The following TTC39C variants were observed in gnomAD, a reference collection of about 807,000 sequenced individuals.
TTC39C encodes the protein tetratricopeptide repeat domain 39C, also known as tetratricopeptide repeat protein 39C.
TTC39C carries 33 observed loss-of-function variants against 76.3 expected under a neutral mutation model. That is an observed-to-expected ratio of 0.43 (90% CI 0.33 to 0.58). TTC39C has a LOEUF of 0.58. TTC39C is among the 20% of genes least tolerant of loss of function. The pLI, the probability that TTC39C is intolerant of heterozygous loss-of-function variation, is 0.04. For synonymous variants in TTC39C, 254 were observed against 260.6 expected, an observed-to-expected ratio of 0.97 and a Z score of 0.24; for missense variants, 595 against 701.4, an observed-to-expected ratio of 0.85 and a Z score of 1.71.
At chr18:24,113,300 A>T in intron 6 of TTC39C, 1 of 451,536 alleles carries the variant, frequency 2.2e-6, no homozygotes. Flanking sequence ...TGTCCTGAAG[A>T]TCACCTGCTG....
At chr18:24,017,597 T>TA (rs1164074032) in intron 1 of TTC39C, among the ~76,000 whole-genome samples, 1 of 152,252 alleles carries the variant, frequency 6.6e-6, no homozygotes, top group African/African-American at 2.4e-5. Flanking sequence ...AAGTTCATCT[T>TA]ACGTATTACG....
chr18:24,088,671 G>A (rs1267184386), intron 6 of TTC39C, among the ~76,000 whole-genome samples: 1 of 152,202 alleles, frequency 6.6e-6, no homozygotes, highest in Admixed American at 6.5e-5. Flanking sequence ...CGTTCCTGCT[G>A]AGAAAGGGAC....
chr18:24,099,744 T>C (rs903163647), intron 6 of TTC39C, among the ~76,000 whole-genome samples: 4 of 152,084 alleles, frequency 2.6e-5, no homozygotes, highest in African/African-American at 9.7e-5. Flanking sequence ...GGAGTTCTTA[T>C]GTAACTTACT....
At chr18:24,130,243 T>G in intron 11 of TTC39C, 70 bp from the exon 12 acceptor site, 24 of 730,872 alleles carry the variant, frequency 3.3e-5, no homozygotes, top group East Asian at 1.2e-4. Context: ...CGCCCCCTCT[T>G]GAAGATTATA....
chr18:24,032,019 A>G (rs2083677678), intron 1 of TTC39C, among the ~76,000 whole-genome samples: 1 of 152,214 alleles, frequency 6.6e-6, no homozygotes, highest in Non-Finnish European at 1.5e-5. Flanking sequence ...AAACATCAAG[A>G]GACAAGATTT....
intron 1 of TTC39C, among the ~76,000 whole-genome samples, chr18:24,050,298 A>G (rs2083931875): frequency 6.6e-6 from 1 of 152,202 alleles, no homozygotes; most frequent in Non-Finnish European, 1.5e-5. Flanking sequence ...GGCCTGGTGC[A>G]GTGGCTCATG....
rs1480147977 is a variant in TTC39C, at chr18:24,051,398, C to A, written c.168-12742C>A. On this transcript the variant is annotated intron_variant, in intron 1 of 13. Coordinates refer to ENST00000317571, the MANE Select transcript of TTC39C (RefSeq NM_001135993.2). ...GTAAATGCAAACATCGCTGTACACA[C>A]AGGGGCCATGCTGTCTGGGGACAGG... Among the ~76,000 whole-genome samples, 4 of 152,206 alleles carry A rather than the reference C, an allele frequency of 2.6e-5. 1 individual carries two copies. The East Asian group carries it at 7.7e-4, about 29-fold the overall frequency.
At chr18:24,034,630 A>T (rs890772916) in intron 1 of TTC39C, among the ~76,000 whole-genome samples, 1 of 90,018 alleles carries the variant, frequency 1.1e-5, no homozygotes, top group Non-Finnish European at 2.8e-5. Flanking sequence ...CCATTAAACA[A>T]TAATTTCCCA....
chr18:24,041,445 C>T (rs989331773), intron 1 of TTC39C, among the ~76,000 whole-genome samples: 10 of 152,110 alleles, frequency 6.6e-5, no homozygotes, highest in African/African-American at 2.4e-5. Context: ...AGTCCAGCAG[C>T]GTGTTAACCG....
At chr18:24,114,721 C>T (rs1288173137) in intron 7 of TTC39C, 74 bp downstream of exon 7, 30 of 1,155,982 alleles carry the variant, frequency 2.6e-5, no homozygotes, top group Non-Finnish European at 3.3e-5. Context: ...TCATGCCATT[C>T]AGTGTGTGTC....
chr18:24,034,661 C>T (rs2083712192), intron 1 of TTC39C, among the ~76,000 whole-genome samples: 1 of 152,172 alleles, frequency 6.6e-6, no homozygotes, highest in East Asian at 1.9e-4. Context: ...GCCCCAGCAA[C>T]TGCCCTTCTG....
intron 8 of TTC39C, among the ~76,000 whole-genome samples, chr18:24,123,354 G>A (rs1327167457): frequency 6.6e-6 from 1 of 152,066 alleles, no homozygotes; most frequent in Non-Finnish European, 1.5e-5. Context: ...AGGACTGCAG[G>A]ACGGTGCAGT....
At chr18:24,111,875 A>C (rs4800544) in intron 6 of TTC39C, among the ~76,000 whole-genome samples, 150,811 of 151,882 alleles carry the variant, frequency 0.99, 74,883 homozygotes, top group East Asian at 1. Context: ...GCACTCCAGC[A>C]TGGGAGACAG....
intron 6 of TTC39C, among the ~76,000 whole-genome samples, chr18:24,107,131 T>A (rs1364833034): frequency 4.6e-5 from 7 of 152,224 alleles, no homozygotes; most frequent in African/African-American, 1.7e-4. Flanking sequence ...ACCTGGTGCC[T>A]GAATGGGTGT....
intron 1 of TTC39C, among the ~76,000 whole-genome samples, chr18:24,032,665 G>A (rs925279971): frequency 6.6e-6 from 1 of 152,222 alleles, no homozygotes; most frequent in Admixed American, 6.5e-5. Context: ...ATGAGATCAG[G>A]TGTAGAATTT....
intron 4 of TTC39C, among the ~76,000 whole-genome samples, chr18:24,073,535 T>G (rs1358667432): frequency 6.6e-6 from 1 of 151,546 alleles, no homozygotes; most frequent in African/African-American, 2.4e-5. Context: ...CCTGGTTCTT[T>G]TTTTTTTTAA....
At chr18:24,131,107 CCTGGGGGG>C (rs1045487033) in intron 12 of TTC39C, among the ~76,000 whole-genome samples, 6 of 138,040 alleles carry the variant, frequency 4.3e-5, no homozygotes, top group Admixed American at 7.5e-5. Flanking sequence ...TCCCAGTTAA[CCTGGGGGG>C]CTGAGGTGAG....
chr18:24,120,727 G>A (rs576621033), intron 8 of TTC39C, among the ~76,000 whole-genome samples: 50 of 152,056 alleles, frequency 3.3e-4, no homozygotes, highest in Admixed American at 4.6e-4. Context: ...TGGTTACCAC[G>A]CTTCTACTTC....
intron 1 of TTC39C, chr18:24,016,810 A>C (rs2083459537): frequency 2.5e-6 from 1 of 398,378 alleles, no homozygotes; most frequent in Admixed American, 4.4e-5. Context: ...TGTATTTTGA[A>C]ATGGGAACTG....
Sources: gnomAD v4.1 joint callset for allele counts (sites outside exome capture counted in the v4.1 genomes callset) on GRCh38, gnomAD v4.1.1 for gene constraint, MANE v1.5 for transcripts, NCBI Gene and HGNC (gene_info 2026-07-23, HGNC 2026-07-21) for gene names.